Variants in TRPC4 observed in about 807,000 individuals in gnomAD.
The protein encoded by TRPC4 is transient receptor potential cation channel subfamily C member 4, also known as short transient receptor potential channel 4.
In TRPC4, 49 loss-of-function variants were observed where a neutral mutation model predicts 99.4. The observed-to-expected ratio is 0.49, with a 90% confidence interval of 0.39 to 0.63. The LOEUF is 0.63. TRPC4 is among the 20% of genes least tolerant of loss of function. The probability of loss-of-function intolerance (pLI) is 0.00; values close to 1 mark genes in which losing one functional copy is unlikely to be tolerated. For missense variants in TRPC4, 898 were observed against 1,152.9 expected (o/e 0.78, Z 3.20); for synonymous variants, 454 against 425.9 (o/e 1.07, Z -0.81).
intron 1 of TRPC4, among the ~76,000 whole-genome samples, chr13:37,789,001 T>C (rs595814): frequency 0.016 from 2,505 of 152,224 alleles, 76 homozygotes; most frequent in African/African-American, 0.058. Flanking sequence ...CAGCAATATC[T>C]TTCCAAACGA....
chr13:37,639,937 G>C (rs192809210), intron 8 of TRPC4, among the ~76,000 whole-genome samples: 8 of 152,032 alleles, frequency 5.3e-5, no homozygotes, highest in Non-Finnish European at 8.8e-5. Flanking sequence ...GAGCAGAGGT[G>C]GGGTAAGCAC....
chr13:37,829,066 C>T (rs565276269), intron 1 of TRPC4, among the ~76,000 whole-genome samples: 5 of 152,276 alleles, frequency 3.3e-5, no homozygotes, highest in Non-Finnish European at 4.4e-5. Context: ...GCCATGATTT[C>T]TTACATATGA....
At chr13:37,658,304 T>C (rs1350532179) in intron 6 of TRPC4, among the ~76,000 whole-genome samples, 2 of 152,356 alleles carry the variant, frequency 1.3e-5, no homozygotes, top group Non-Finnish European at 2.9e-5. Context: ...ACTTAGGTCC[T>C]GCCTTCCTAA....
At chr13:37,790,175 T>C (rs1405074297) in intron 1 of TRPC4, among the ~76,000 whole-genome samples, 1 of 152,064 alleles carries the variant, frequency 6.6e-6, no homozygotes, top group African/African-American at 2.4e-5. Flanking sequence ...AGGGCCAATA[T>C]CTATAAAATA....
At chr13:37,693,233 T>A (rs1007151357) in intron 3 of TRPC4, among the ~76,000 whole-genome samples, 1 of 152,204 alleles carries the variant, frequency 6.6e-6, no homozygotes, top group African/African-American at 2.4e-5. Context: ...GAGAAAATTG[T>A]ATCTTTCAGA....
chr13:37,838,803 A>T (rs1421199698), intron 1 of TRPC4, among the ~76,000 whole-genome samples: 1 of 152,162 alleles, frequency 6.6e-6, no homozygotes, highest in African/African-American at 2.4e-5. Context: ...CTAAAACCAT[A>T]TTCTACATTT....
chr13:37,769,938 A>G (rs953670200), intron 2 of TRPC4, among the ~76,000 whole-genome samples: 2 of 151,476 alleles, frequency 1.3e-5, no homozygotes, highest in African/African-American at 4.8e-5. Flanking sequence ...AATACTCACA[A>G]TAATTGTGGA....
At chr13:37,666,605 C>T (rs1382338114) in intron 5 of TRPC4, among the ~76,000 whole-genome samples, 6 of 152,134 alleles carry the variant, frequency 3.9e-5, no homozygotes, top group South Asian at 2.1e-4. Context: ...GAATTTGTAG[C>T]GAATAATTTT....
intron 2 of TRPC4, among the ~76,000 whole-genome samples, chr13:37,764,799 A>C (rs1956316730): frequency 1.5e-5 from 2 of 133,610 alleles, no homozygotes; most frequent in Non-Finnish European, 3.2e-5. Context: ...GATAGATATA[A>C]ATTTTATCAA....
chr13:37,818,872 G>A (rs1219944026), intron 1 of TRPC4, among the ~76,000 whole-genome samples: 1 of 151,852 alleles, frequency 6.6e-6, no homozygotes, highest in African/African-American at 2.4e-5. Flanking sequence ...GATAGGTGCA[G>A]CAAACCACCA....
At chr13:37,821,190 C>CCACACACACACACACACA (rs3086254) in intron 1 of TRPC4, among the ~76,000 whole-genome samples, 3 of 135,938 alleles carry the variant, frequency 2.2e-5, no homozygotes, top group East Asian at 4.5e-4. Flanking sequence ...TTCACAATAG[C>CCACACACACACACACACA]CACACACACA....
chr13:37,661,804 G>C (rs559010387), intron 6 of TRPC4, among the ~76,000 whole-genome samples: 2 of 150,954 alleles, frequency 1.3e-5, no homozygotes, highest in Admixed American at 6.6e-5. Context: ...AATAAGACGG[G>C]AGCCAGAGGG....
At chr13:37,743,925 A>G (rs930795020) in intron 3 of TRPC4, among the ~76,000 whole-genome samples, 3 of 152,152 alleles carry the variant, frequency 2.0e-5, no homozygotes, top group African/African-American at 7.2e-5. Context: ...CTTCAATGCC[A>G]TGACCAAAAT....
rs182798737 is a variant in TRPC4, at chr13:37,710,313, G to A, written c.898-17978C>T. Among the ~76,000 whole-genome samples the A allele has an allele frequency of 2.0e-5, 3 of 151,974 alleles. No homozygotes were observed. The East Asian group carries it at 5.8e-4, about 29-fold the overall frequency. On this transcript the variant is annotated intron_variant, in intron 3 of 10. Transcript: ENST00000379705. ...TGAAGTATAAACAAAATAAATGTTG[G>A]CTGTGGCTCTGTTTTAATACACAGA... is the stretch of plus-strand genomic sequence containing the variant.
rs567848470 is a variant in TRPC4 at position 37,803,010 on chromosome 13, G to T, written c.-27-19650C>A. 5.9e-5 allele frequency among the ~76,000 whole-genome samples: 9 copies of T among 151,342 alleles called. No homozygotes were observed. In the South Asian group the frequency reaches 1.9e-3, roughly 32 times the overall value. ...CATATCATTTATTTATGTCATTATG[G>T]ACTTATATATATTTATTTTATTTTT... On this transcript the variant is annotated intron_variant, in intron 1 of 10. Transcript: ENST00000379705.
intron 1 of TRPC4, among the ~76,000 whole-genome samples, chr13:37,833,521 C>G (rs74047195): frequency 0.03 from 4,634 of 152,268 alleles, 141 homozygotes; most frequent in African/African-American, 0.078. Context: ...TGAAAAGATA[C>G]TCTCCTCCTG....
chr13:37,719,152 A>G (rs1366207543), intron 3 of TRPC4, among the ~76,000 whole-genome samples: 1 of 152,158 alleles, frequency 6.6e-6, no homozygotes, highest in East Asian at 1.9e-4. Context: ...TACGAAAGAC[A>G]AAAAACTGTC....
Position 37,783,297 on chromosome 13 carries a change from G to A in TRPC4, c.37C>T (p.Pro13Ser). ...CTTAGAGGGATGCGGTCTCTATAGG[G>A]AGCATTAACATTTCTTTTGTAATAG... Reference protein sequence around the residue: ...QFYYKRNVNAPYRDRIPLRIV... With the variant: ...QFYYKRNVNASYRDRIPLRIV... Residue 13 changes from proline (P) to serine (S), a missense_variant, in exon 2 of 11, where the codon CCC (proline) becomes TCC (serine). Coordinates refer to ENST00000379705, the MANE Select transcript of TRPC4 (RefSeq NM_016179.4). The A allele has an allele frequency of 6.3e-7, 1 of 1,593,334 alleles. No homozygotes were observed. The highest frequency in any genetic ancestry group is 8.5e-7 in the Non-Finnish European group (1 of 1,172,052).
At chr13:37,826,420 C>G (rs1958212542) in intron 1 of TRPC4, among the ~76,000 whole-genome samples, 3 of 133,030 alleles carry the variant, frequency 2.3e-5, no homozygotes, top group Admixed American at 8.0e-5. Flanking sequence ...ACCGGTTGTT[C>G]CTTTCCATGT....
Sources: gnomAD v4.1 joint callset for allele counts (sites outside exome capture counted in the v4.1 genomes callset) on GRCh38, gnomAD v4.1.1 for gene constraint, MANE v1.5 for transcripts, NCBI Gene and HGNC (gene_info 2026-07-23, HGNC 2026-07-21) for gene names.